HACD4: variants seen among roughly 807,000 people sequenced by gnomAD.
HACD4 encodes the protein 3-hydroxyacyl-CoA dehydratase 4, also known as very-long-chain (3R)-3-hydroxyacyl-CoA dehydratase 4.
HACD4 carries 35 observed loss-of-function variants against 33.3 expected under a neutral mutation model. That is an observed-to-expected ratio of 1.05 (90% confidence interval 0.80 to 1.39). The LOEUF is 1.39. Among genes scored for constraint, HACD4 ranks in the 40% most tolerant of loss-of-function variants. The pLI, the probability that HACD4 is intolerant of heterozygous loss-of-function variation, is 0.00. For synonymous variants in HACD4, 118 were observed against 98.0 expected, an observed-to-expected ratio of 1.20 and a Z score of -1.21; for missense variants, 323 against 276.5, an observed-to-expected ratio of 1.17 and a Z score of -1.19.
intron 3 of HACD4, among the ~76,000 whole-genome samples, chr9:21,022,085 A>G (rs947243182): frequency 1.3e-5 from 2 of 152,348 alleles, no homozygotes; most frequent in African/African-American, 4.8e-5. Flanking sequence ...ACACATCTAC[A>G]ACCATCTGAT....
rs751533255 is a variant in HACD4, at chr9:21,007,013, C to T, written c.*24G>A. ...ACTGAATCCACAGCCTGTCTTTTCT[C>T]GTGTCACACTGGAATGCTGTACTTC... On this transcript the variant is annotated 3_prime_UTR_variant, in exon 7 of 7. Coordinates refer to ENST00000495827, the MANE Select transcript of HACD4 (RefSeq NM_001010915.5). The T allele has an allele frequency of 1.1e-5, 14 of 1,310,612 alleles. No homozygotes were observed. The highest frequency in any genetic ancestry group is 1.2e-5 in the South Asian group (1 of 84,926). 81.2% of individuals were successfully genotyped at this position (1,310,612 alleles called of 1,614,324 possible). A position where few individuals can be genotyped will look rare whatever the true frequency, so the allele number is the denominator to read the frequency against.
At chr9:21,027,037 C>T (rs192145493) in intron 2 of HACD4, among the ~76,000 whole-genome samples, 20 of 152,312 alleles carry the variant, frequency 1.3e-4, no homozygotes, top group African/African-American at 1.9e-4. Context: ...ATAAGAGTAA[C>T]CTCCTAGAAT....
rs78090705 is a variant in HACD4 at position 21,007,959 on chromosome 9, C to T, written c.616+62G>A. ...TTACCAACCTGTATATTAAGGTAGA[C>T]GGCAAGCACTAACCAAAAAGTACAG... On this transcript the variant is annotated intron_variant, in intron 6 of 6. Coordinates refer to ENST00000495827, the MANE Select transcript of HACD4 (RefSeq NM_001010915.5). 2.1e-3 allele frequency: 3,149 copies of T among 1,474,910 alleles called. 63 individuals are homozygous for T. The East Asian group carries it at 0.036, about 17-fold the overall frequency. 91.4% of individuals were successfully genotyped at this position (1,474,910 alleles called of 1,614,324 possible).
Position 21,013,968 on chromosome 9 carries a change from C to T in HACD4, c.383+1930G>A, listed in dbSNP as rs188549079. Among the ~76,000 whole-genome samples, 11 of 152,172 alleles carry T rather than the reference C, an allele frequency of 7.2e-5. No homozygotes were observed. In the South Asian group the frequency reaches 8.3e-4, roughly 11 times the overall value. On this transcript the variant is annotated intron_variant, in intron 4 of 6. Coordinates refer to ENST00000495827, the MANE Select transcript of HACD4 (RefSeq NM_001010915.5). ...ATTGCCATGGATAGAACTTCCAGTA[C>T]GATGATGAATATAACTGGCAAGTGT...
intron 3 of HACD4, among the ~76,000 whole-genome samples, chr9:21,018,813 ATTTTTATG>A (rs67401006): frequency 0.3 from 45,921 of 151,920 alleles, 7,140 homozygotes; most frequent in East Asian, 0.51. Context: ...AATGCTGGGC[ATTTTTATG>A]TTCTATTTGG....
Position 21,029,280 on chromosome 9 carries a change from G to A in HACD4, c.142+15C>T, listed in dbSNP as rs376443673. On this transcript the variant is annotated intron_variant, in intron 2 of 6. Transcript: ENST00000495827. ...ATTAAAAGTTAAAAATAAAAAAACT[G>A]TTTCGGAGTTTTACCTTTTCCAAAT... 12 of 1,417,784 alleles carry A rather than the reference G, an allele frequency of 8.5e-6. No homozygotes were observed. The highest frequency in any genetic ancestry group is 1.9e-5 in the Admixed American group (1 of 53,994). 87.8% of individuals were successfully genotyped at this position (1,417,784 alleles called of 1,614,324 possible).
chr9:21,021,337 C>G (rs1817906789), intron 3 of HACD4, among the ~76,000 whole-genome samples: 2 of 152,178 alleles, frequency 1.3e-5, no homozygotes, highest in Admixed American at 1.3e-4. Context: ...GATGCCCTCT[C>G]TCACCACTCC....
Position 21,010,465 on chromosome 9 carries a change from C to CCG in HACD4, c.490+1123_490+1124insCG, listed in dbSNP as rs1554757242. Among the ~76,000 whole-genome samples the CCG allele has an allele frequency of 1.3e-4, 15 of 117,730 alleles. 1 individual carries two copies. Among genetic ancestry groups the CCG allele is most frequent in the African/African-American group, 4.6e-4 (14 of 30,350 alleles). The allele number at this position is 117,730 out of a possible 152,430, so 77.2% of individuals were successfully genotyped here. ...ACTCAGACATCCTGGTACCCCCCCC[C>CCG]CCCCCAGAGCTTACAGTCTAGTCAA... On this transcript the variant is annotated intron_variant, in intron 5 of 6. Coordinates refer to ENST00000495827, the MANE Select transcript of HACD4 (RefSeq NM_001010915.5).
At chr9:21,022,076 C>T (rs893745344) in intron 3 of HACD4, among the ~76,000 whole-genome samples, 5 of 152,194 alleles carry the variant, frequency 3.3e-5, no homozygotes, top group African/African-American at 1.2e-4. Context: ...AGTAATACCA[C>T]ACATCTACAA....
At position 21,022,791 on chromosome 9, in the gene HACD4, G is replaced by C. The variant is rs565327799; in HGVS notation, c.270+3805C>G. ...GGTGGGACTGTAAACTAGTTCAACC[G>C]TTGTGGAAGTCAGTGTGGCGATTCC... On this transcript the variant is annotated intron_variant, in intron 3 of 6. Coordinates refer to ENST00000495827, the MANE Select transcript of HACD4 (RefSeq NM_001010915.5). 3.1e-4 allele frequency among the ~76,000 whole-genome samples: 47 copies of C among 152,018 alleles called. No individual in the cohort carries two copies. In the East Asian group the frequency reaches 6.0e-3, roughly 19 times the overall value.
At chr9:21,007,657 G>A (rs1294086835) in intron 6 of HACD4, among the ~76,000 whole-genome samples, 1 of 152,074 alleles carries the variant, frequency 6.6e-6, no homozygotes, top group Non-Finnish European at 1.5e-5. Context: ...AAACAAACAA[G>A]AAACAAAATG....
chr9:21,014,176 GAA>G (rs895593306), intron 4 of HACD4, among the ~76,000 whole-genome samples: 5 of 151,748 alleles, frequency 3.3e-5, no homozygotes, highest in African/African-American at 1.2e-4. Context: ...TTTTACAGAG[GAA>G]AAAAAAGTTT....
In HACD4 at chr9:21,005,745, C is replaced by T. The variant is rs4129714; in HGVS notation, c.*1292G>A. On this transcript the variant is annotated 3_prime_UTR_variant, in exon 7 of 7. Transcript: ENST00000495827. The surrounding 1 kb of genome is among the most constrained non-coding windows in gnomAD (Gnocchi z 4.0). ...TCCTGGGGGCAATACCTCTGCCTCA[C>T]TGGGTCCTGAAGCCAGAGTATCAGG... 37,422 of 152,120 alleles carry T rather than the reference C, an allele frequency of 0.25. 5,020 individuals are homozygous for T. The highest frequency in any genetic ancestry group is 0.35 in the Middle Eastern group (104 of 294). 9.4% of individuals were successfully genotyped at this position (152,120 alleles called of 1,614,324 possible). A position where few individuals can be genotyped will look rare whatever the true frequency, so the allele number is the denominator to read the frequency against.
intron 3 of HACD4, among the ~76,000 whole-genome samples, chr9:21,017,053 C>G (rs904624828): frequency 1.3e-5 from 2 of 152,056 alleles, no homozygotes; most frequent in Non-Finnish European, 2.9e-5. Flanking sequence ...TTTACTTGCT[C>G]TTAATGGTCA....
rs1223846226 is a variant in HACD4 at position 21,000,001 on chromosome 9, A to G, written c.*7036T>C. 6.6e-6 allele frequency: 1 copy of G among 152,196 alleles called. No individual in the cohort carries two copies. The highest frequency in any genetic ancestry group is 2.4e-5 in the African/African-American group (1 of 41,460). 9.4% of individuals were successfully genotyped at this position (152,196 alleles called of 1,614,324 possible). On this transcript the variant is annotated 3_prime_UTR_variant, in exon 7 of 7. Coordinates refer to ENST00000495827, the MANE Select transcript of HACD4 (RefSeq NM_001010915.5). ...AAGTGGTTAAGGAAACTGGAACTCA[A>G]AGAGTCATTCAGTTAGTAAATAATG...
At chr9:21,016,782 C>CTTTTT (rs11379547) in intron 3 of HACD4, among the ~76,000 whole-genome samples, 2 of 148,420 alleles carry the variant, frequency 1.3e-5, no homozygotes, top group Non-Finnish European at 1.5e-5. Context: ...AAACTTGTAG[C>CTTTTT]TTTTTTTTTT....
At chr9:21,028,135 CAAA>C (rs71334571) in intron 2 of HACD4, among the ~76,000 whole-genome samples, 3 of 93,456 alleles carry the variant, frequency 3.2e-5, no homozygotes, top group Non-Finnish European at 4.1e-5. Flanking sequence ...AACTCCATCT[CAAA>C]AAAAAAAAAA....
intron 3 of HACD4, 91 bp from the exon 4 acceptor site, chr9:21,016,101 A>G: frequency 6.4e-6 from 5 of 776,574 alleles, no homozygotes; most frequent in Non-Finnish European, 1.1e-5. Context: ...TCCTTTCAAA[A>G]GTATACTTTA....
intron 2 of HACD4, among the ~76,000 whole-genome samples, chr9:21,028,793 G>C (rs1309638696): frequency 2.0e-5 from 3 of 152,142 alleles, no homozygotes; most frequent in Admixed American, 6.5e-5. Flanking sequence ...TATATAAGTG[G>C]TTAGCCCTCT....
Sources: gnomAD v4.1 joint callset for allele counts (sites outside exome capture counted in the v4.1 genomes callset) on GRCh38, gnomAD v4.1.1 for gene constraint, Gnocchi (gnomAD v3.1) non-coding constraint, MANE v1.5 for transcripts, NCBI Gene and HGNC (gene_info 2026-07-23, HGNC 2026-07-21) for gene names.